SOCS7: variants seen among roughly 807,000 people sequenced by gnomAD.
The protein encoded by SOCS7 is suppressor of cytokine signaling 7.
A neutral mutation model predicts 58.9 loss-of-function variants in SOCS7; 18 were observed. The observed-to-expected ratio is 0.31, with a 90% CI of 0.21 to 0.45. The LOEUF is 0.45. SOCS7 is among the 20% of genes least tolerant of loss of function. The probability of loss-of-function intolerance (pLI) is 1.00; values close to 1 mark genes in which losing one functional copy is unlikely to be tolerated. For synonymous variants in SOCS7, 388 were observed against 364.3 expected, an observed-to-expected ratio of 1.06 and a Z score of -0.74; for missense variants, 667 against 837.3, an observed-to-expected ratio of 0.80 and a Z score of 2.51.
rs370780030 is a variant in SOCS7 at position 38,368,178 on chromosome 17, T to C, written c.1552+128T>C. On this transcript the variant is annotated intron_variant, in intron 6 of 9. Coordinates refer to ENST00000612932, the MANE Select transcript of SOCS7 (RefSeq NM_014598.4). Reference sequence around the variant, plus strand: ...AGGGGAAAAATTATCTTAGACTCAGTTGAATATTGATATGAGCGCTGATTT... The same window carrying C: ...AGGGGAAAAATTATCTTAGACTCAGCTGAATATTGATATGAGCGCTGATTT... 5 of 781,224 alleles carry C rather than the reference T, an allele frequency of 6.4e-6. No homozygotes were observed. The African/African-American group carries it at 8.8e-5, about 14-fold the overall frequency. The allele number at this position is 781,224 out of a possible 1,614,324, so 48.4% of individuals were successfully genotyped here. A position where few individuals can be genotyped will look rare whatever the true frequency, so the allele number is the denominator to read the frequency against.
rs1476219176 is a variant in SOCS7 at position 38,351,998 on chromosome 17, C to A, written c.-55C>A. Among the ~76,000 whole-genome samples the A allele has an allele frequency of 6.6e-6, 1 of 150,924 alleles. No individual in the cohort carries two copies. Among genetic ancestry groups the A allele is most frequent in the Non-Finnish European group, 1.5e-5 (1 of 67,560 alleles). ...CGGGCGGGGCTCCGGCGGGGCCCGG[C>A]CTAGTCCCCACCCCAGCCCGGCTCC... On this transcript the variant is annotated 5_prime_UTR_variant, in exon 1 of 10. Transcript: ENST00000612932.
In SOCS7 at chr17:38,381,027, T is replaced by G. The variant is rs1337059521; in HGVS notation, c.1681+3185T>G. On this transcript the variant is annotated intron_variant, in intron 7 of 9. Coordinates refer to ENST00000612932, the MANE Select transcript of SOCS7 (RefSeq NM_014598.4). ...AAACCTGGGCTTGACTACAAATCCT[T>G]GACTTTATTTCCCACCGGTCTGTTA... 3.3e-5 allele frequency among the ~76,000 whole-genome samples: 5 copies of G among 152,148 alleles called. No homozygotes were observed. The East Asian group carries it at 9.6e-4, about 29-fold the overall frequency.
At chr17:38,355,916 C>T (rs1555566752) in intron 1 of SOCS7, among the ~76,000 whole-genome samples, 1 of 152,090 alleles carries the variant, frequency 6.6e-6, no homozygotes. Context: ...TGGAGTCTTG[C>T]TCTGTCGCCC....
chr17:38,370,823 G>C (rs1326290820), intron 6 of SOCS7, among the ~76,000 whole-genome samples: 1 of 151,462 alleles, frequency 6.6e-6, no homozygotes, highest in Non-Finnish European at 1.5e-5. Flanking sequence ...GCTAATTTTT[G>C]TATTTTTAGT....
intron 6 of SOCS7, among the ~76,000 whole-genome samples, chr17:38,375,523 A>G (rs894774624): frequency 2.0e-5 from 3 of 152,190 alleles, no homozygotes; most frequent in Admixed American, 6.6e-5. Context: ...GTAAGAATAC[A>G]GTATATAATA....
intron 1 of SOCS7, among the ~76,000 whole-genome samples, chr17:38,356,193 C>T (rs946125427): frequency 1.1e-4 from 17 of 151,964 alleles, no homozygotes; most frequent in African/African-American, 3.9e-4. Flanking sequence ...GTCTGGCCAA[C>T]TTAGATAACT....
At chr17:38,373,906 T>A (rs1396209367) in intron 6 of SOCS7, among the ~76,000 whole-genome samples, 1 of 152,230 alleles carries the variant, frequency 6.6e-6, no homozygotes, top group Non-Finnish European at 1.5e-5. Context: ...CATGAATGTC[T>A]GGAAAGATTC....
chr17:38,387,804 C>T (rs1159465233), intron 7 of SOCS7, among the ~76,000 whole-genome samples: 4 of 137,952 alleles, frequency 2.9e-5, no homozygotes, highest in Admixed American at 1.5e-4. Context: ...GAGTCTCACT[C>T]TGTCACCCAG....
intron 6 of SOCS7, among the ~76,000 whole-genome samples, chr17:38,368,997 C>T (rs2037827706): frequency 1.3e-5 from 2 of 152,190 alleles, no homozygotes; most frequent in African/African-American, 2.4e-5. Context: ...TAGAAGCCGA[C>T]TTGTTAAACA....
rs887674805 is a variant in SOCS7 at position 38,404,346 on chromosome 17, G to A, written c.*4864G>A. 2 of 152,266 alleles carry A rather than the reference G, an allele frequency of 1.3e-5. No homozygotes were observed. Among genetic ancestry groups the A allele is most frequent in the African/African-American group, 4.8e-5 (2 of 41,412 alleles). 9.4% of individuals were successfully genotyped at this position (152,266 alleles called of 1,614,324 possible). A position where few individuals can be genotyped will look rare whatever the true frequency, so the allele number is the denominator to read the frequency against. ...TTGCTTCTTGACCTTCCTGGCAGGT[G>A]TCGCTCAGTTTCTTCCTGTTTCCCT... On this transcript the variant is annotated 3_prime_UTR_variant, in exon 10 of 10. Transcript: ENST00000612932.
chr17:38,368,748 CG>C (rs2144341198), intron 6 of SOCS7, among the ~76,000 whole-genome samples: 1 of 152,236 alleles, frequency 6.6e-6, no homozygotes, highest in East Asian at 1.9e-4. Flanking sequence ...GTGATCCACC[CG>C]CCTCGGCCTC....
rs1241013595 is a variant in SOCS7 at position 38,404,416 on chromosome 17, C to G, written c.*4934C>G. ...GCTATCCCGTCCCACTCCCATCTACCTCCCGGGAAGCCAGCCCTGCATGCT... is the reference window on the plus strand; with the variant it reads ...GCTATCCCGTCCCACTCCCATCTACGTCCCGGGAAGCCAGCCCTGCATGCT... On this transcript the variant is annotated 3_prime_UTR_variant, in exon 10 of 10. Coordinates refer to ENST00000612932, the MANE Select transcript of SOCS7 (RefSeq NM_014598.4). 6.6e-6 allele frequency: 1 copy of G among 152,420 alleles called. No homozygotes were observed. The highest frequency in any genetic ancestry group is 1.5e-5 in the Non-Finnish European group (1 of 68,230). The allele number at this position is 152,420 out of a possible 1,614,324, so 9.4% of individuals were successfully genotyped here. A position where few individuals can be genotyped will look rare whatever the true frequency, so the allele number is the denominator to read the frequency against.
At chr17:38,395,004 T>G (rs1217356221) in intron 7 of SOCS7, among the ~76,000 whole-genome samples, 1 of 152,104 alleles carries the variant, frequency 6.6e-6, no homozygotes, top group African/African-American at 2.4e-5. Flanking sequence ...GAGCTGAGAC[T>G]GGGCCACTGC....
intron 1 of SOCS7, among the ~76,000 whole-genome samples, chr17:38,353,941 C>T (rs1477761225): frequency 1.3e-5 from 2 of 152,106 alleles, no homozygotes; most frequent in Non-Finnish European, 1.5e-5. Flanking sequence ...AATAGCTTTG[C>T]GCTCTCTCAA....
intron 1 of SOCS7, among the ~76,000 whole-genome samples, chr17:38,356,553 CG>C (rs1854090854): frequency 6.6e-6 from 1 of 151,902 alleles, no homozygotes; most frequent in East Asian, 2.0e-4. Context: ...TTAGTAGAGA[CG>C]GCGTTTCACT....
intron 3 of SOCS7, 49 bp from the exon 4 acceptor site, chr17:38,365,259 C>T: frequency 7.0e-7 from 1 of 1,420,180 alleles, no homozygotes; most frequent in Non-Finnish European, 9.8e-7. Flanking sequence ...TCAGCGTGCT[C>T]ATTCTGTGCT....
At chr17:38,389,907 A>ATATATATATATATAT (rs2038146563) in intron 7 of SOCS7, among the ~76,000 whole-genome samples, 11 of 90,230 alleles carry the variant, frequency 1.2e-4, no homozygotes, top group African/African-American at 4.2e-4. Context: ...ATACACATAT[A>ATATATATATATATAT]GAGAGAGAGA....
chr17:38,382,030 C>T (rs2038010023), intron 7 of SOCS7, among the ~76,000 whole-genome samples: 1 of 147,698 alleles, frequency 6.8e-6, no homozygotes, highest in Non-Finnish European at 1.5e-5. Context: ...ACTGATGTCA[C>T]ACAAAACCTC....
intron 7 of SOCS7, among the ~76,000 whole-genome samples, chr17:38,383,037 C>T (rs1205525844): frequency 6.6e-6 from 1 of 151,980 alleles, no homozygotes; most frequent in Non-Finnish European, 1.5e-5. Flanking sequence ...CATTATGTCT[C>T]CATATGTCCC....
Sources: allele counts gnomAD v4.1 joint callset (sites outside exome capture counted in the v4.1 genomes callset), GRCh38; gene constraint gnomAD v4.1.1; transcripts MANE v1.5; gene names NCBI Gene and HGNC (gene_info 2026-07-23, HGNC 2026-07-21).